FYTTD1: variants seen among roughly 807,000 people sequenced by gnomAD.
FYTTD1 encodes UAP56-interacting factor.
In FYTTD1, 22 loss-of-function variants were observed where a neutral mutation model predicts 40.9. The ratio of observed to expected loss-of-function variants is 0.54; its 90% CI spans 0.38 to 0.77. The LOEUF is 0.77. Ranked by LOEUF, FYTTD1 falls within the 30% of genes least tolerant of loss-of-function variation. The pLI is 0.00. For missense variants in FYTTD1, 351 were observed against 392.2 expected (o/e 0.90, Z 0.89); for synonymous variants, 140 against 137.9 (o/e 1.01, Z -0.10).
rs1730072267 is a variant in FYTTD1 at position 197,783,140 on chromosome 3, A to G, written c.*1231A>G. ...CTGCCACCTCTGACGGAGTGGGAGA[A>G]GTTAGTCTGTGCTAAGATAGTACTG... On this transcript the variant is annotated 3_prime_UTR_variant, in exon 9 of 9. Coordinates refer to ENST00000241502, the MANE Select transcript of FYTTD1 (RefSeq NM_032288.7). The G allele has an allele frequency of 6.6e-6, 1 of 152,628 alleles. No homozygotes were observed. The highest frequency in any genetic ancestry group is 1.5e-5 in the Non-Finnish European group (1 of 68,032). The allele number at this position is 152,628 out of a possible 1,614,324, so 9.5% of individuals were successfully genotyped here. A position where few individuals can be genotyped will look rare whatever the true frequency, so the allele number is the denominator to read the frequency against.
At chr3:197,749,721 G>T (rs1307319311), upstream of FYTTD1, 7 of 619,778 alleles carry the variant, frequency 1.1e-5, no homozygotes, top group Non-Finnish European at 2.1e-5. Flanking sequence ...CCTCGCGAGC[G>T]CCTAGCACAG....
intron 4 of FYTTD1, among the ~76,000 whole-genome samples, chr3:197,772,979 A>G (rs1426606648): frequency 6.6e-6 from 1 of 152,062 alleles, no homozygotes. Flanking sequence ...AGGAGATGTT[A>G]TTTTTCAAAC....
intron 2 of FYTTD1, among the ~76,000 whole-genome samples, chr3:197,759,040 GT>G (rs1448548258): frequency 1.3e-5 from 2 of 152,026 alleles, no homozygotes; most frequent in Non-Finnish European, 1.5e-5. Flanking sequence ...AATGTATAGA[GT>G]TGTTCTTCAG....
chr3:197,762,201 G>A (rs1054889983), intron 2 of FYTTD1, among the ~76,000 whole-genome samples: 2 of 151,068 alleles, frequency 1.3e-5, no homozygotes, highest in African/African-American at 2.5e-5. Context: ...ACAAGCAGTT[G>A]TGAGAATCTA....
At chr3:197,759,969 G>C (rs1250523688) in intron 2 of FYTTD1, among the ~76,000 whole-genome samples, 2 of 151,016 alleles carry the variant, frequency 1.3e-5, no homozygotes, top group African/African-American at 4.9e-5. Flanking sequence ...CTCAGTGGTC[G>C]AATGTATGGA....
intron 2 of FYTTD1, among the ~76,000 whole-genome samples, chr3:197,764,868 G>T (rs1042613239): frequency 2.0e-5 from 3 of 151,042 alleles, no homozygotes; most frequent in Admixed American, 6.6e-5. Flanking sequence ...TTTGGGGGGG[G>T]AGGATGGAGT....
At position 197,758,022 on chromosome 3, in the gene FYTTD1, G is replaced by T. The variant is rs578218554; in HGVS notation, c.235+1465G>T. On this transcript the variant is annotated intron_variant, in intron 2 of 8. Coordinates refer to ENST00000241502, the MANE Select transcript of FYTTD1 (RefSeq NM_032288.7). Reference sequence around the variant, plus strand: ...GGGTTCAAGCGATTCTCCTGCCTCAGCCTCCCAAGTAGCTGGGATTACAGG... The same window carrying T: ...GGGTTCAAGCGATTCTCCTGCCTCATCCTCCCAAGTAGCTGGGATTACAGG... Among the ~76,000 whole-genome samples the T allele has an allele frequency of 2.6e-5, 4 of 152,298 alleles. No homozygotes were observed. In the South Asian group the frequency reaches 8.3e-4, roughly 32 times the overall value.
At chr3:197,756,708 C>T (rs1180163111) in intron 2 of FYTTD1, 151 bp downstream of exon 2, 2 of 723,106 alleles carry the variant, frequency 2.8e-6, no homozygotes, top group Non-Finnish European at 4.7e-6. Context: ...GATCTAAAAC[C>T]TGGTAAAAAT....
rs1335623070 is a variant in FYTTD1 at position 197,749,904 on chromosome 3, G to C, written c.-68G>C. On this transcript the variant is annotated 5_prime_UTR_variant, in exon 1 of 9. Coordinates refer to ENST00000241502, the MANE Select transcript of FYTTD1 (RefSeq NM_032288.7). ...CCTCGGTGCGGCGGGCTGCGTGCGCGAGTGGGAGGTGGCAGGCCTGCGACT... is the reference window on the plus strand; with the variant it reads ...CCTCGGTGCGGCGGGCTGCGTGCGCCAGTGGGAGGTGGCAGGCCTGCGACT... 1 of 992,326 alleles carries C rather than the reference G, an allele frequency of 1.0e-6. No individual in the cohort carries two copies. Among genetic ancestry groups the C allele is most frequent in the Non-Finnish European group, 1.4e-6 (1 of 705,684 alleles). 61.5% of individuals were successfully genotyped at this position (992,326 alleles called of 1,614,324 possible). A position where few individuals can be genotyped will look rare whatever the true frequency, so the allele number is the denominator to read the frequency against.
rs187769681 is a variant in FYTTD1, at chr3:197,782,054, T to A, written c.*145T>A. 6,831 of 338,034 alleles carry A rather than the reference T, an allele frequency of 0.02. 86 individuals are homozygous for A. Among genetic ancestry groups the A allele is most frequent in the African/African-American group, 0.06 (2,705 of 44,954 alleles). The allele number at this position is 338,034 out of a possible 1,614,324, so 20.9% of individuals were successfully genotyped here. On this transcript the variant is annotated 3_prime_UTR_variant, in exon 9 of 9. Coordinates refer to ENST00000241502, the MANE Select transcript of FYTTD1 (RefSeq NM_032288.7). ...TTTTATTTTTGAAGGTTTTTTTTTT[T>A]AAAAAAAAAAACGTATAAAATAATG...
In FYTTD1 at chr3:197,774,323, T is replaced by G. The variant is rs981012309; in HGVS notation, c.656+113T>G. 1.0e-5 allele frequency: 9 copies of G among 900,066 alleles called. No individual in the cohort carries two copies. In the South Asian group the frequency reaches 1.3e-4, roughly 13 times the overall value. 55.8% of individuals were successfully genotyped at this position (900,066 alleles called of 1,614,324 possible). ...AATTAATTGAAACCCAAAATAAAAT[T>G]CAGTCTGAAAGCTGGGCATAGTGGT... On this transcript the variant is annotated intron_variant, in intron 6 of 8. Transcript: ENST00000241502.
intron 6 of FYTTD1, among the ~76,000 whole-genome samples, chr3:197,776,329 T>C (rs963188272): frequency 6.6e-6 from 1 of 151,004 alleles, no homozygotes; most frequent in African/African-American, 2.4e-5. Context: ...CTCAGCCTCC[T>C]GAGTAGCTGG....
At chr3:197,776,295 T>C (rs1580467414) in intron 6 of FYTTD1, among the ~76,000 whole-genome samples, 2 of 143,618 alleles carry the variant, frequency 1.4e-5, no homozygotes, top group African/African-American at 2.6e-5. Flanking sequence ...AACCTCCCCC[T>C]CCCGGGTTCA....
intron 2 of FYTTD1, among the ~76,000 whole-genome samples, chr3:197,760,012 T>C (rs192927997): frequency 0.027 from 4,079 of 149,684 alleles, 90 homozygotes; most frequent in East Asian, 0.052. Context: ...GGAGTTGTTC[T>C]TCAGTGGTAG....
In FYTTD1 at chr3:197,774,129, T is replaced by G; in HGVS notation, c.595-20T>G. Reference sequence around the variant, plus strand: ...ATCCTCTGCTTTCTGTGGTACCTACTGCTTTTTTTTTCCCTTCAGGTGCAG... The same window carrying G: ...ATCCTCTGCTTTCTGTGGTACCTACGGCTTTTTTTTTCCCTTCAGGTGCAG... On this transcript the variant is annotated intron_variant, in intron 5 of 8. Coordinates refer to ENST00000241502, the MANE Select transcript of FYTTD1 (RefSeq NM_032288.7). The G allele has an allele frequency of 6.2e-7, 1 of 1,607,810 alleles. No homozygotes were observed.
intron 4 of FYTTD1, among the ~76,000 whole-genome samples, chr3:197,772,436 A>G (rs1238588164): frequency 6.6e-6 from 1 of 152,218 alleles, no homozygotes; most frequent in African/African-American, 2.4e-5. Flanking sequence ...TTCCTATAGA[A>G]AACAAAAGAA....
At chr3:197,762,034 G>A (rs1191897677) in intron 2 of FYTTD1, among the ~76,000 whole-genome samples, 2 of 152,194 alleles carry the variant, frequency 1.3e-5, no homozygotes, top group Non-Finnish European at 2.9e-5. Context: ...AGGCTAGAGA[G>A]CTCTCCAGGG....
Position 197,756,464 on chromosome 3 carries a change from C to T in FYTTD1, c.142C>T (p.Gln48Ter), listed in dbSNP as rs1729217842. The change falls in exon 2 of 9, where the codon CAG (glutamine) becomes TAG (stop). Residue 48 changes from glutamine to a stop codon, truncating the protein, a stop_gained. Coordinates refer to ENST00000241502, the MANE Select transcript of FYTTD1 (RefSeq NM_032288.7). LOFTEE classifies it high-confidence loss of function. ...IKLNRKEGKKQNFPRLNRRLL... is the reference protein window; with the variant it reads ...IKLNRKEGKK ...GTTGAATCGAAAGGAAGGGAAGAAG[C>T]AGAATTTTCCAAGACTAAATAGAAG... The T allele has an allele frequency of 6.2e-7, 1 of 1,608,382 alleles. No homozygotes were observed. The highest frequency in any genetic ancestry group is 1.3e-5 in the African/African-American group (1 of 74,742).
At chr3:197,762,774 C>T (rs1231190052) in intron 2 of FYTTD1, among the ~76,000 whole-genome samples, 2 of 151,978 alleles carry the variant, frequency 1.3e-5, no homozygotes, top group Admixed American at 1.3e-4. Flanking sequence ...CCCAGCTGCT[C>T]AGGAGGCTGA....
Sources: allele counts gnomAD v4.1 joint callset (sites outside exome capture counted in the v4.1 genomes callset), GRCh38; gene constraint gnomAD v4.1.1; transcripts MANE v1.5; gene names NCBI Gene and HGNC (gene_info 2026-07-23, HGNC 2026-07-21).